The following TYW1 variants were observed in gnomAD, a reference collection of about 807,000 sequenced individuals.
The protein encoded by TYW1 is S-adenosyl-L-methionine-dependent tRNA 4-demethylwyosine synthase TYW1.
TYW1 carries 46 observed loss-of-function variants against 96.2 expected under a neutral mutation model. The observed-to-expected ratio is 0.48, with a 90% CI of 0.38 to 0.61. The LOEUF is 0.61. Among genes scored for constraint, TYW1 ranks in the 20% least tolerant of loss-of-function variants. The pLI, the probability that TYW1 is intolerant of heterozygous loss-of-function variation, is 0.00. For missense variants in TYW1, 684 were observed against 909.6 expected, an observed-to-expected ratio of 0.75 and a Z score of 3.19; for synonymous variants, 274 against 323.0, an observed-to-expected ratio of 0.85 and a Z score of 1.63.
intron 13 of TYW1, among the ~76,000 whole-genome samples, chr7:67,131,479 C>T (rs1482379612): frequency 6.6e-6 from 1 of 152,156 alleles, no homozygotes; most frequent in Non-Finnish European, 1.5e-5. Flanking sequence ...TATCATACTT[C>T]TTTTCCTTCT....
chr7:67,168,837 G>A (rs1278029973), intron 13 of TYW1, among the ~76,000 whole-genome samples: 6 of 151,852 alleles, frequency 4.0e-5, no homozygotes, highest in African/African-American at 9.7e-5. Flanking sequence ...TCAGCCTCCC[G>A]AGTAGCTGGG....
chr7:67,027,959 G>A (rs1224014049), intron 7 of TYW1, among the ~76,000 whole-genome samples: 1 of 151,572 alleles, frequency 6.6e-6, no homozygotes, highest in Admixed American at 6.6e-5. Context: ...ACCTGACTGG[G>A]TGTGGTGGCT....
intron 9 of TYW1, among the ~76,000 whole-genome samples, chr7:67,057,423 G>A (rs1318990042): frequency 6.6e-6 from 1 of 151,568 alleles, no homozygotes; most frequent in Non-Finnish European, 1.5e-5. Context: ...AGGCTGGAGT[G>A]CAGTGGTGCA....
intron 9 of TYW1, among the ~76,000 whole-genome samples, chr7:67,061,283 T>A (rs1754197137): frequency 6.6e-6 from 1 of 152,154 alleles, no homozygotes; most frequent in South Asian, 2.1e-4. Flanking sequence ...AGCTGGAGAA[T>A]TGTGACCAAG....
chr7:67,040,678 C>T (rs538031613), intron 7 of TYW1, among the ~76,000 whole-genome samples: 1 of 151,904 alleles, frequency 6.6e-6, no homozygotes, highest in African/African-American at 2.4e-5. Context: ...AACCCTATCT[C>T]TACGAAAAAT....
chr7:67,057,406 C>G (rs1795555900), intron 9 of TYW1, among the ~76,000 whole-genome samples: 1 of 150,246 alleles, frequency 6.7e-6, no homozygotes, highest in African/African-American at 2.4e-5. Flanking sequence ...GTCTCGTTGT[C>G]TCACCCAGGC....
At chr7:67,113,724 G>A (rs1454013697) in intron 12 of TYW1, among the ~76,000 whole-genome samples, 1 of 150,298 alleles carries the variant, frequency 6.7e-6, no homozygotes, top group Non-Finnish European at 1.5e-5. Flanking sequence ...TGCAGCCTCC[G>A]CCTCCTGGGT....
At chr7:67,224,351 T>A (rs1801489455) in intron 15 of TYW1, among the ~76,000 whole-genome samples, 1 of 152,230 alleles carries the variant, frequency 6.6e-6, no homozygotes, top group Non-Finnish European at 1.5e-5. Context: ...GGTCTTGAAC[T>A]CCTGATCTCA....
At chr7:67,025,395 A>G (rs1424334361) in intron 7 of TYW1, among the ~76,000 whole-genome samples, 2 of 151,842 alleles carry the variant, frequency 1.3e-5, no homozygotes, top group Non-Finnish European at 2.9e-5. Context: ...AATAAATCTC[A>G]TAATGTTTTA....
intron 15 of TYW1, among the ~76,000 whole-genome samples, chr7:67,219,846 T>G (rs1012785241): frequency 7.7e-4 from 54 of 70,574 alleles, no homozygotes; most frequent in Admixed American, 2.6e-3. Context: ...GTTTTGTGGG[T>G]TTTTTTTTTT....
At chr7:67,127,473 A>G (rs1217249344) in intron 13 of TYW1, among the ~76,000 whole-genome samples, 1 of 152,118 alleles carries the variant, frequency 6.6e-6, no homozygotes, top group Non-Finnish European at 1.5e-5. Flanking sequence ...TTATAATAAC[A>G]AAATAATCCT....
intron 13 of TYW1, among the ~76,000 whole-genome samples, chr7:67,159,771 A>G (rs1430741351): frequency 6.9e-6 from 1 of 145,122 alleles, no homozygotes; most frequent in Non-Finnish European, 1.5e-5. Flanking sequence ...TTCCATTGTA[A>G]CAATATCACA....
At chr7:67,031,192 C>CAAAAAA (rs60531853) in intron 7 of TYW1, among the ~76,000 whole-genome samples, 1,999 of 107,538 alleles carry the variant, frequency 0.019, 8 homozygotes, top group Middle Eastern at 0.036. Context: ...GACTCCATCT[C>CAAAAAA]AAAAAAAAAA....
intron 14 of TYW1, among the ~76,000 whole-genome samples, chr7:67,184,500 G>A (rs1189436903): frequency 6.6e-6 from 1 of 151,802 alleles, no homozygotes; most frequent in Non-Finnish European, 1.5e-5. Flanking sequence ...GATAGATTCC[G>A]ATGAGTGTAT....
chr7:67,014,260 G>A (rs1041677260), intron 4 of TYW1, 107 bp from the exon 5 acceptor site: 119 of 1,411,600 alleles, frequency 8.4e-5, no homozygotes, highest in Non-Finnish European at 1.1e-4. Flanking sequence ...TGTTTATGAA[G>A]GTGCCCTTTG....
At chr7:67,219,043 A>G (rs1218842259) in intron 15 of TYW1, among the ~76,000 whole-genome samples, 1 of 152,140 alleles carries the variant, frequency 6.6e-6, no homozygotes, top group Non-Finnish European at 1.5e-5. Context: ...AGGTTTTTTC[A>G]TATGTGGCTT....
intron 10 of TYW1, among the ~76,000 whole-genome samples, chr7:67,077,113 A>C (rs1796232413): frequency 6.6e-6 from 1 of 152,162 alleles, no homozygotes; most frequent in African/African-American, 2.4e-5. Context: ...TCCATTGTGA[A>C]TATATATCAC....
chr7:67,109,273 C>CAAAAA (rs1203625487), intron 12 of TYW1, among the ~76,000 whole-genome samples: 50 of 48,612 alleles, frequency 1.0e-3, no homozygotes, highest in Non-Finnish European at 1.3e-3. Context: ...GACTCCGTCT[C>CAAAAA]AAAAAAAAAA....
At chr7:67,038,313 C>T (rs567358629) in intron 7 of TYW1, among the ~76,000 whole-genome samples, 4 of 148,932 alleles carry the variant, frequency 2.7e-5, no homozygotes, top group South Asian at 2.1e-4. Context: ...AATAAATTCA[C>T]GTCCACACCA....
Sources: allele counts gnomAD v4.1 joint callset (sites outside exome capture counted in the v4.1 genomes callset), GRCh38; gene constraint gnomAD v4.1.1; transcripts MANE v1.5; gene names NCBI Gene and HGNC (gene_info 2026-07-23, HGNC 2026-07-21).